AUTS2: variants seen among roughly 807,000 people sequenced by gnomAD.
AUTS2 encodes the protein activator of transcription and developmental regulator AUTS2, also known as autism susceptibility gene 2 protein.
In AUTS2, 17 loss-of-function variants were observed where a neutral mutation model predicts 112.4. The ratio of observed to expected loss-of-function variants is 0.15; its 90% confidence interval spans 0.10 to 0.23. AUTS2 has a LOEUF of 0.23. Ranked by LOEUF, AUTS2 falls within the 10% of genes least tolerant of loss-of-function variation. The pLI is 1.00. For missense variants in AUTS2, 1,510 were observed against 1,701.6 expected (o/e 0.89, Z 1.98); for synonymous variants, 751 against 702.7 (o/e 1.07, Z -1.09).
chr7:70,496,024 CCCCACA>C (rs1798471621), intron 5 of AUTS2, among the ~76,000 whole-genome samples: 1 of 109,460 alleles, frequency 9.1e-6, no homozygotes, highest in Non-Finnish European at 1.9e-5. Context: ...CACACACCCC[CCCCACA>C]CACATGCACA....
intron 4 of AUTS2, among the ~76,000 whole-genome samples, chr7:70,141,432 G>A (rs1806857513): frequency 6.6e-6 from 1 of 152,184 alleles, no homozygotes; most frequent in African/African-American, 2.4e-5. Context: ...TACGTAGTTA[G>A]AAATTTAAGT....
intron 1 of AUTS2, among the ~76,000 whole-genome samples, chr7:69,743,287 C>G (rs1208160875): frequency 6.6e-6 from 1 of 152,276 alleles, no homozygotes; most frequent in East Asian, 1.9e-4. Context: ...ATGCATGACA[C>G]AGAGGATGTG....
rs1346637965 is a variant in AUTS2 at position 70,118,407 on chromosome 7, A to G, written c.624+174A>G. 4.0e-6 allele frequency: 3 copies of G among 757,854 alleles called. No individual in the cohort carries two copies. The African/African-American group carries it at 5.5e-5, about 14-fold the overall frequency. 46.9% of individuals were successfully genotyped at this position (757,854 alleles called of 1,614,324 possible). On this transcript the variant is annotated intron_variant, in intron 3 of 18. Coordinates refer to ENST00000342771, the MANE Select transcript of AUTS2 (RefSeq NM_015570.4). ...GTATACTTATTTGAGCATTGTAGTT[A>G]TGGTGTCATTCTAAAATGTCGTTTG...
chr7:70,409,482 A>G (rs928853884), intron 4 of AUTS2, among the ~76,000 whole-genome samples: 8 of 152,192 alleles, frequency 5.3e-5, no homozygotes, highest in African/African-American at 1.9e-4. Context: ...GATTTCTCAC[A>G]TGATGTGTGT....
chr7:69,690,180 T>C (rs1160566281), intron 1 of AUTS2, among the ~76,000 whole-genome samples: 1 of 152,210 alleles, frequency 6.6e-6, no homozygotes, highest in African/African-American at 2.4e-5. Context: ...TAAATATTAG[T>C]CATGATTTGA....
intron 5 of AUTS2, among the ~76,000 whole-genome samples, chr7:70,689,717 A>C (rs1173040796): frequency 6.8e-6 from 1 of 146,722 alleles, no homozygotes; most frequent in Non-Finnish European, 1.5e-5. Flanking sequence ...CGGGGCTTGC[A>C]GTGAGCCAAG....
In AUTS2 at chr7:70,179,751, C is replaced by A. The variant is rs877188; in HGVS notation, c.660+45180C>A. Among the ~76,000 whole-genome samples the A allele has an allele frequency of 1.2e-4, 19 of 152,198 alleles. No individual in the cohort carries two copies. The East Asian group carries it at 3.7e-3, about 29-fold the overall frequency. ...GAATTATAGGACTCTGAGGCCCACC[C>A]TTACTAGCTTGCCACCAGGCTTGGT... On this transcript the variant is annotated intron_variant, in intron 4 of 18. Coordinates refer to ENST00000342771, the MANE Select transcript of AUTS2 (RefSeq NM_015570.4).
intron 1 of AUTS2, among the ~76,000 whole-genome samples, chr7:69,877,893 CAGGA>C (rs1479593616): frequency 2.0e-5 from 3 of 152,060 alleles, no homozygotes; most frequent in Non-Finnish European, 2.9e-5. Flanking sequence ...GAGTTGTGTG[CAGGA>C]CATCACCAGA....
intron 5 of AUTS2, among the ~76,000 whole-genome samples, chr7:70,659,224 C>T (rs1354311977): frequency 1.3e-5 from 2 of 152,158 alleles, no homozygotes; most frequent in African/African-American, 4.8e-5. Context: ...TTCCCGCGGC[C>T]CTTGCAGGAT....
chr7:69,647,154 T>G (rs182072502), intron 1 of AUTS2, among the ~76,000 whole-genome samples: 5 of 152,192 alleles, frequency 3.3e-5, no homozygotes, highest in Admixed American at 3.3e-4. Context: ...TTTTCAGGTA[T>G]TTGAGTTAGC....
intron 1 of AUTS2, among the ~76,000 whole-genome samples, chr7:69,672,469 A>G (rs1246127243): frequency 2.0e-5 from 3 of 152,200 alleles, no homozygotes; most frequent in Non-Finnish European, 4.4e-5. Flanking sequence ...AGTTGCTTTT[A>G]TACCGTCAAT....
chr7:69,737,109 A>G (rs1254284616), intron 1 of AUTS2, among the ~76,000 whole-genome samples: 2 of 152,086 alleles, frequency 1.3e-5, no homozygotes, highest in Non-Finnish European at 1.5e-5. Context: ...TGTAGACTCT[A>G]CCCCTCTCAG....
At chr7:69,824,365 C>T (rs6980305) in intron 1 of AUTS2, among the ~76,000 whole-genome samples, 15,044 of 151,252 alleles carry the variant, frequency 0.099, 1,183 homozygotes, top group African/African-American at 0.22. Flanking sequence ...GCCGAGATCG[C>T]GCCACCGCAC....
chr7:70,274,652 A>G (rs1432621888), intron 4 of AUTS2, among the ~76,000 whole-genome samples: 2 of 152,080 alleles, frequency 1.3e-5, no homozygotes, highest in Non-Finnish European at 2.9e-5. Context: ...GCGCAGGTTG[A>G]TATGCTCAAG....
chr7:69,991,047 G>A (rs182268994), intron 2 of AUTS2, among the ~76,000 whole-genome samples: 79 of 152,262 alleles, frequency 5.2e-4, no homozygotes, highest in Non-Finnish European at 9.4e-4. Context: ...GAAGAGACGA[G>A]ATAGCTTGTA....
intron 5 of AUTS2, among the ~76,000 whole-genome samples, chr7:70,513,418 C>A (rs762922090): frequency 2.0e-5 from 3 of 152,118 alleles, no homozygotes; most frequent in Non-Finnish European, 4.4e-5. Flanking sequence ...AGCCTGTGTA[C>A]GATCAAAGAC....
At chr7:69,719,001 C>T (rs76525186) in intron 1 of AUTS2, among the ~76,000 whole-genome samples, 2,322 of 152,290 alleles carry the variant, frequency 0.015, 60 homozygotes, top group African/African-American at 0.049. Context: ...GCCAGCCCGC[C>T]CGCAGGGGTT....
intron 4 of AUTS2, among the ~76,000 whole-genome samples, chr7:70,170,902 G>A (rs1017232291): frequency 2.3e-4 from 35 of 152,118 alleles, no homozygotes; most frequent in African/African-American, 8.0e-4. Flanking sequence ...CACCGCCCCC[G>A]GCCGGGGCAC....
rs947429302 is a variant in AUTS2 at position 70,554,370 on chromosome 7, CT to C, written c.690+118597del. 1.7e-4 allele frequency among the ~76,000 whole-genome samples: 24 copies of C among 143,318 alleles called. No individual in the cohort carries two copies. The South Asian group carries it at 3.7e-3, about 22-fold the overall frequency. 94.0% of individuals were successfully genotyped at this position (143,318 alleles called of 152,430 possible). ...AAGCGTGAGCCACTGTGCCCGGCCT[CT>C]TTTTTTTCTTTTCTTTTCTTTCTTT... On this transcript the variant is annotated intron_variant, in intron 5 of 18. Transcript: ENST00000342771.
Sources: gnomAD v4.1 joint callset for allele counts (sites outside exome capture counted in the v4.1 genomes callset) on GRCh38, gnomAD v4.1.1 for gene constraint, MANE v1.5 for transcripts, NCBI Gene and HGNC (gene_info 2026-07-23, HGNC 2026-07-21) for gene names.